The following EHBP1 variants were observed in gnomAD, a reference collection of about 807,000 sequenced individuals.
EHBP1 encodes the protein EH domain binding protein 1, also known as EH domain-binding protein 1.
EHBP1 carries 55 observed loss-of-function variants against 144.0 expected under a neutral mutation model. The observed-to-expected ratio is 0.38, with a 90% CI of 0.31 to 0.48. EHBP1 has a LOEUF of 0.48. Ranked by LOEUF, EHBP1 falls within the 20% of genes least tolerant of loss-of-function variation. EHBP1 has a pLI of 0.98. For missense variants in EHBP1, 1,200 were observed against 1,364.2 expected, an observed-to-expected ratio of 0.88 and a Z score of 1.90; for synonymous variants, 469 against 472.7, an observed-to-expected ratio of 0.99 and a Z score of 0.10.
At chr2:62,922,139 C>A (rs2055141052) in intron 10 of EHBP1, among the ~76,000 whole-genome samples, 1 of 152,170 alleles carries the variant, frequency 6.6e-6, no homozygotes, top group African/African-American at 2.4e-5. Context: ...CGCACCACTG[C>A]ACTCCAGCCT....
intron 9 of EHBP1, among the ~76,000 whole-genome samples, chr2:62,868,878 C>T (rs1341187599): frequency 6.6e-6 from 1 of 152,058 alleles, no homozygotes; most frequent in Non-Finnish European, 1.5e-5. Flanking sequence ...CACTTGAGCC[C>T]AGGGTTTCAA....
At chr2:62,719,031 G>A (rs1039807183) in intron 2 of EHBP1, among the ~76,000 whole-genome samples, 3 of 150,912 alleles carry the variant, frequency 2.0e-5, no homozygotes, top group Non-Finnish European at 3.0e-5. Flanking sequence ...ACTCAGGCTG[G>A]AGTGTAGTGG....
At chr2:62,992,664 A>T (rs944587466) in intron 16 of EHBP1, among the ~76,000 whole-genome samples, 1 of 152,118 alleles carries the variant, frequency 6.6e-6, no homozygotes. Flanking sequence ...GAAAAGAATA[A>T]ACTGTTACCT....
intron 19 of EHBP1, among the ~76,000 whole-genome samples, chr2:63,002,064 G>C (rs1171176202): frequency 6.6e-6 from 1 of 152,124 alleles, no homozygotes; most frequent in African/African-American, 2.4e-5. Flanking sequence ...ATGAAAATCA[G>C]ACTGTAAAAC....
chr2:62,730,107 A>G (rs1039043099), intron 2 of EHBP1, among the ~76,000 whole-genome samples: 1 of 152,136 alleles, frequency 6.6e-6, no homozygotes, highest in Non-Finnish European at 1.5e-5. Context: ...AACAATTAAT[A>G]GACTTTATGG....
chr2:62,687,937 C>T (rs911625945), intron 1 of EHBP1, among the ~76,000 whole-genome samples: 7 of 152,098 alleles, frequency 4.6e-5, no homozygotes, highest in Non-Finnish European at 8.8e-5. Context: ...CTTTACCATA[C>T]TGGATAAGTA....
intron 18 of EHBP1, among the ~76,000 whole-genome samples, chr2:62,994,494 G>C (rs1166375177): frequency 6.6e-6 from 1 of 152,050 alleles, no homozygotes; most frequent in East Asian, 1.9e-4. Flanking sequence ...CTCAGTAGGG[G>C]TATGGGCTGA....
In EHBP1 at chr2:62,891,134, G is replaced by A. The variant is rs187115510; in HGVS notation, c.1185+16602G>A. Among the ~76,000 whole-genome samples the A allele has an allele frequency of 4.2e-3, 623 of 148,304 alleles. 4 individuals carry two copies. Among genetic ancestry groups the A allele is most frequent in the Middle Eastern group, 0.032 (9 of 282 alleles). Reference sequence around the variant, plus strand: ...GGAGGTTGCAGTGAGCTGAGATCACGCCATTGCACTCCAGCCTGGGCGACA... The same window carrying A: ...GGAGGTTGCAGTGAGCTGAGATCACACCATTGCACTCCAGCCTGGGCGACA... On this transcript the variant is annotated intron_variant, in intron 10 of 22. Coordinates refer to ENST00000431489, the MANE Select transcript of EHBP1 (RefSeq NM_001142616.3).
At chr2:62,973,836 C>A (rs1480721120) in intron 14 of EHBP1, among the ~76,000 whole-genome samples, 1 of 151,864 alleles carries the variant, frequency 6.6e-6, no homozygotes, top group Admixed American at 6.6e-5. Context: ...CCCATCTCTC[C>A]AAAATTACAA....
In EHBP1 at chr2:62,716,189, C is replaced by T. The variant is rs188137788; in HGVS notation, c.104+8894C>T. On this transcript the variant is annotated intron_variant, in intron 2 of 22. Coordinates refer to ENST00000431489, the MANE Select transcript of EHBP1 (RefSeq NM_001142616.3). ...AATTTTCTGCCCCGCAACCCCCCAC[C>T]ACGCCCCAACCCGGGAACTTCCCAG... is the stretch of plus-strand genomic sequence containing the variant. 1.7e-4 allele frequency among the ~76,000 whole-genome samples: 26 copies of T among 152,216 alleles called. 1 individual carries two copies. The highest frequency in any genetic ancestry group is 1.5e-3 in the Admixed American group (23 of 15,290).
intron 19 of EHBP1, among the ~76,000 whole-genome samples, chr2:62,999,930 TGTAA>T (rs1295288769): frequency 3.3e-5 from 5 of 152,190 alleles, no homozygotes; most frequent in Non-Finnish European, 7.3e-5. Context: ...GAAACACTGT[TGTAA>T]GTGTCTACAA....
chr2:62,905,127 G>GA (rs1187199643), intron 10 of EHBP1, among the ~76,000 whole-genome samples: 1 of 152,158 alleles, frequency 6.6e-6, no homozygotes, highest in Non-Finnish European at 1.5e-5. Flanking sequence ...AAGATATGGG[G>GA]AAAGAGCTTC....
intron 5 of EHBP1, among the ~76,000 whole-genome samples, chr2:62,777,028 G>A (rs531849803): frequency 6.6e-6 from 1 of 152,296 alleles, no homozygotes; most frequent in East Asian, 1.9e-4. Flanking sequence ...AGGCTAGAGT[G>A]CAGTGTTGTG....
Position 63,038,772 on chromosome 2 carries a change from A to G in EHBP1, c.3233A>G (p.Tyr1078Cys). The change falls in exon 21 of 23, where the codon TAT (tyrosine) becomes TGT (cysteine). Residue 1078 changes from tyrosine (Y) to cysteine (C), a missense_variant. Tyr to Cys is a radical substitution (Grantham distance 194, BLOSUM62 -2). Around this residue, in one of 6 missense-constraint regions of EHBP1, gnomAD observed 149 missense variants for 217.0 expected, o/e 0.69. Coordinates refer to ENST00000431489, the MANE Select transcript of EHBP1 (RefSeq NM_001142616.3). ...LEKEHDLERR[Y>C]ELLNRELRAM... is the part of the protein sequence containing the mutation. ...AAAGAACATGATTTAGAACGACGGT[A>G]TGAGCTGCTGAACCGGGAATTGAGG... The G allele has an allele frequency of 6.2e-7, 1 of 1,613,524 alleles. No homozygotes were observed. The highest frequency in any genetic ancestry group is 2.2e-5 in the East Asian group (1 of 44,854).
intron 5 of EHBP1, among the ~76,000 whole-genome samples, chr2:62,798,121 C>T (rs1001997047): frequency 1.1e-4 from 16 of 152,146 alleles, no homozygotes; most frequent in African/African-American, 3.1e-4. Flanking sequence ...AATCCTAGCA[C>T]GTTGGGAGGC....
intron 7 of EHBP1, among the ~76,000 whole-genome samples, chr2:62,832,701 A>G (rs906578021): frequency 2.0e-5 from 3 of 152,142 alleles, no homozygotes; most frequent in African/African-American, 7.2e-5. Flanking sequence ...CACCCATTTA[A>G]GACAGCAAAC....
intron 5 of EHBP1, among the ~76,000 whole-genome samples, chr2:62,794,741 A>C (rs1369711460): frequency 6.6e-6 from 1 of 152,052 alleles, no homozygotes; most frequent in African/African-American, 2.4e-5. Context: ...TAAAATACTA[A>C]ACAGATAAGT....
At chr2:63,031,352 A>T (rs1219796381) in intron 19 of EHBP1, among the ~76,000 whole-genome samples, 1 of 152,180 alleles carries the variant, frequency 6.6e-6, no homozygotes, top group South Asian at 2.1e-4. Flanking sequence ...CCCTTACTAG[A>T]GGTCGCTTAA....
intron 7 of EHBP1, among the ~76,000 whole-genome samples, chr2:62,856,453 C>A (rs1353668292): frequency 6.6e-6 from 1 of 152,248 alleles, no homozygotes. Flanking sequence ...CATGGAGCTT[C>A]CCACTCTGCT....
Sources: gnomAD v4.1 joint callset for allele counts (sites outside exome capture counted in the v4.1 genomes callset) on GRCh38, gnomAD v4.1.1 for gene constraint, gnomAD v4.1.1 regional missense constraint, MANE v1.5 for transcripts, NCBI Gene and HGNC (gene_info 2026-07-23, HGNC 2026-07-21) for gene names.